Variants in SC5D observed in about 807,000 individuals in gnomAD.
SC5D encodes the protein sterol-C5-desaturase, also known as lathosterol oxidase.
Under a neutral mutation model 23.9 loss-of-function variants are expected in SC5D, and 21 were observed. The ratio of observed to expected loss-of-function variants is 0.88; its 90% CI spans 0.62 to 1.26. SC5D has a LOEUF of 1.26. SC5D is among the 50% of genes most tolerant of loss of function. The pLI, the probability that SC5D is intolerant of heterozygous loss-of-function variation, is 0.00. For missense variants in SC5D, 309 were observed against 364.8 expected, an observed-to-expected ratio of 0.85 and a Z score of 1.25; for synonymous variants, 113 against 125.9, an observed-to-expected ratio of 0.90 and a Z score of 0.68.
chr11:121,298,619 T>C (rs1488124744), intron 1 of SC5D, among the ~76,000 whole-genome samples: 2 of 152,178 alleles, frequency 1.3e-5, no homozygotes, highest in East Asian at 3.8e-4. Flanking sequence ...GAGAAGCTGA[T>C]GTTGAAGAAA....
At chr11:121,294,974 A>T (rs1011332198) in intron 1 of SC5D, among the ~76,000 whole-genome samples, 1 of 152,170 alleles carries the variant, frequency 6.6e-6, no homozygotes, top group East Asian at 1.9e-4. Flanking sequence ...GGCAGTCTTC[A>T]CCCCTATAAC....
Position 121,304,472 on chromosome 11 carries a change from G to A in SC5D, c.322G>A (p.Asp108Asn), listed in dbSNP as rs1360822726. ...AAGAGGTTACAGCAAATTACATGAT[G>A]ACCTAGGAGAGTTTCCATATGGTAA... is the stretch of plus-strand genomic sequence containing the variant. ...EIRGYSKLHD[D>N]LGEFPYGLFE... The change falls in exon 3 of 5, where the codon GAC (aspartate) becomes AAC (asparagine). Residue 108 changes from aspartate to asparagine, a missense_variant. Asp to Asn is a conservative substitution (Grantham distance 23, BLOSUM62 1). Transcript: ENST00000264027. 1.2e-6 allele frequency: 2 copies of A among 1,613,490 alleles called. No homozygotes were observed. The highest frequency in any genetic ancestry group is 1.3e-5 in the African/African-American group (1 of 74,992).
chr11:121,293,484 A>G (rs981445424), intron 1 of SC5D, among the ~76,000 whole-genome samples: 1 of 152,152 alleles, frequency 6.6e-6, no homozygotes, highest in Non-Finnish European at 1.5e-5. Flanking sequence ...GGCTGAGGAG[A>G]CTGAAAGGAA....
chr11:121,294,567 A>G (rs1947876128), intron 1 of SC5D, among the ~76,000 whole-genome samples: 1 of 152,134 alleles, frequency 6.6e-6, no homozygotes, highest in South Asian at 2.1e-4. Context: ...GTATATATTA[A>G]ATATTACTAT....
rs748818735 is a variant in SC5D at position 121,304,447 on chromosome 11, A to G, written c.297A>G (p.Ile99Met). Residue 99 changes from isoleucine to methionine, a missense_variant, in exon 3 of 5, where the codon ATA becomes ATG. By Grantham distance (10) the Ile-to-Met change is conservative. Transcript: ENST00000264027. Reference sequence around the variant, plus strand: ...CTGTTGCACTGTTCTTGCTGGAGATAAGAGGTTACAGCAAATTACATGATG... The same window carrying G: ...CTGTTGCACTGTTCTTGCTGGAGATGAGAGGTTACAGCAAATTACATGATG... ...ILTVALFLLE[I>M]RGYSKLHDDL... is the part of the protein sequence containing the mutation. 8 of 1,612,522 alleles carry G rather than the reference A, an allele frequency of 5.0e-6. No individual in the cohort carries two copies. The Admixed American group carries it at 6.7e-5, about 13-fold the overall frequency.
At position 121,311,142 on chromosome 11, in the gene SC5D, C is replaced by T. The variant is rs567661859; in HGVS notation, c.*3630C>T. Reference sequence around the variant, plus strand: ...TGAATCATCATTGTATTAAACCACTCATCCTTAACAAATGCCCAAGCCATG... The same window carrying T: ...TGAATCATCATTGTATTAAACCACTTATCCTTAACAAATGCCCAAGCCATG... On this transcript the variant is annotated 3_prime_UTR_variant, in exon 5 of 5. Transcript: ENST00000264027. Among the ~76,000 whole-genome samples, 1 of 152,330 alleles carries T rather than the reference C, an allele frequency of 6.6e-6. No individual in the cohort carries two copies. The highest frequency in any genetic ancestry group is 2.1e-4 in the South Asian group (1 of 4,824).
Position 121,309,738 on chromosome 11 carries a change from T to C in SC5D, c.*2226T>C, listed in dbSNP as rs562325361. ...CAAATTCTGGTCTTTTAAAGCAGCGTTATGTTAAGTAGTCCTAACATTGTA... is the reference window on the plus strand; with the variant it reads ...CAAATTCTGGTCTTTTAAAGCAGCGCTATGTTAAGTAGTCCTAACATTGTA... On this transcript the variant is annotated 3_prime_UTR_variant, in exon 5 of 5. Coordinates refer to ENST00000264027, the MANE Select transcript of SC5D (RefSeq NM_006918.5). 4.9e-4 allele frequency among the ~76,000 whole-genome samples: 75 copies of C among 152,354 alleles called. No individual in the cohort carries two copies. Among genetic ancestry groups the C allele is most frequent in the African/African-American group, 1.8e-3 (73 of 41,570 alleles).
rs2134271543 is a variant in SC5D, at chr11:121,307,873, T to C, written c.*361T>C. 1 of 182,128 alleles carries C rather than the reference T, an allele frequency of 5.5e-6. No individual in the cohort carries two copies. Among genetic ancestry groups the C allele is most frequent in the Middle Eastern group, 2.6e-3 (1 of 380 alleles). The allele number at this position is 182,128 out of a possible 1,614,324, so 11.3% of individuals were successfully genotyped here. ...ATTTGCCTTCATCCACCCATGTTTA[T>C]TAAGAATCATTGTGCTTAATAATAC... On this transcript the variant is annotated 3_prime_UTR_variant, in exon 5 of 5. Transcript: ENST00000264027.
intron 3 of SC5D, chr11:121,304,712 T>A (rs1947951408): frequency 5.9e-6 from 3 of 505,454 alleles, no homozygotes; most frequent in African/African-American, 5.8e-5. Flanking sequence ...AGATTGTGTC[T>A]GGCGGAAGAT....
rs373383957 is a variant in SC5D, at chr11:121,307,064, A to G, written c.452A>G (p.His151Arg). 1.8e-5 allele frequency: 29 copies of G among 1,614,008 alleles called. No individual in the cohort carries two copies. The highest frequency in any genetic ancestry group is 2.3e-5 in the Non-Finnish European group (27 of 1,179,960). ...LHHRLVYKRL[H>R]KPHHIWKIPT... Reference sequence around the variant, plus strand: ...TGTCCTTTTCTCCTGCAGCGCCTACATAAACCTCACCATATTTGGAAGATT... The same window carrying G: ...TGTCCTTTTCTCCTGCAGCGCCTACGTAAACCTCACCATATTTGGAAGATT... Residue 151 changes from histidine (H) to arginine (R), a missense_variant, in exon 5 of 5, where the codon CAT (histidine) becomes CGT (arginine). Transcript: ENST00000264027.
At chr11:121,299,854 A>G (rs1442810056) in intron 1 of SC5D, among the ~76,000 whole-genome samples, 2 of 152,330 alleles carry the variant, frequency 1.3e-5, no homozygotes, top group East Asian at 3.9e-4. Context: ...AGATTACACT[A>G]CTGCACTCCA....
chr11:121,299,137 G>C (rs145574597), intron 1 of SC5D, among the ~76,000 whole-genome samples: 1 of 152,202 alleles, frequency 6.6e-6, no homozygotes, highest in African/African-American at 2.4e-5. Flanking sequence ...CAGATGGGAA[G>C]ATCACTGAAG....
chr11:121,301,315 T>A (rs1031049130), intron 1 of SC5D, among the ~76,000 whole-genome samples: 1 of 152,112 alleles, frequency 6.6e-6, no homozygotes, highest in Non-Finnish European at 1.5e-5. Context: ...TTTTTTTTTT[T>A]TTTTTTAAAG....
rs980144975 is a variant in SC5D at position 121,307,740 on chromosome 11, C to G, written c.*228C>G. The stretch of plus-strand genomic sequence containing the variant: ...TATGCTTAAAATGCCAGATGTTGTT[C>G]GGGGGACAACTTGTATCTTTCTAGC... On this transcript the variant is annotated 3_prime_UTR_variant, in exon 5 of 5. Transcript: ENST00000264027. 1.3e-5 allele frequency: 6 copies of G among 445,888 alleles called. No homozygotes were observed. In the Admixed American group the frequency reaches 2.0e-4, roughly 15 times the overall value. The allele number at this position is 445,888 out of a possible 1,614,324, so 27.6% of individuals were successfully genotyped here. A position where few individuals can be genotyped will look rare whatever the true frequency, so the allele number is the denominator to read the frequency against.
chr11:121,305,802 G>A (rs1947959997), intron 3 of SC5D: 1 of 153,090 alleles, frequency 6.5e-6, no homozygotes, highest in African/African-American at 2.4e-5. Flanking sequence ...TTTGAAAAAT[G>A]GATATGATTA....
intron 1 of SC5D, among the ~76,000 whole-genome samples, chr11:121,299,074 G>A (rs180958231): frequency 2.0e-4 from 30 of 152,316 alleles, no homozygotes; most frequent in East Asian, 5.8e-4. Context: ...TGACAATAGC[G>A]GGAAGATAGT....
In SC5D at chr11:121,308,195, C is replaced by T. The variant is rs570564765; in HGVS notation, c.*683C>T. 6.6e-6 allele frequency: 1 copy of T among 152,062 alleles called. No individual in the cohort carries two copies. The highest frequency in any genetic ancestry group is 1.5e-5 in the Non-Finnish European group (1 of 68,000). 9.4% of individuals were successfully genotyped at this position (152,062 alleles called of 1,614,324 possible). ...TTGGAATTTAAAAATATCGATATCACCATGATTTAATCCAGATCTGGGATT... is the reference window on the plus strand; with the variant it reads ...TTGGAATTTAAAAATATCGATATCATCATGATTTAATCCAGATCTGGGATT... On this transcript the variant is annotated 3_prime_UTR_variant, in exon 5 of 5. Transcript: ENST00000264027.
rs138026842 is a variant in SC5D at position 121,303,391 on chromosome 11, C to T, written c.16C>T (p.Arg6Cys). 2.2e-4 allele frequency: 362 copies of T among 1,613,766 alleles called. 4 individuals carry two copies. Among genetic ancestry groups the T allele is most frequent in the East Asian group, 1.1e-4 (5 of 44,866 alleles). MDLVL[R>C]VADYYFFTPY... Reference sequence around the variant, plus strand: ...GGGCTAAGTGATGGATCTTGTACTCCGTGTTGCAGATTACTATTTTTTTAC... The same window carrying T: ...GGGCTAAGTGATGGATCTTGTACTCTGTGTTGCAGATTACTATTTTTTTAC... The change falls in exon 2 of 5, where the codon CGT (arginine) becomes TGT (cysteine). Residue 6 changes from arginine to cysteine, a missense_variant. Transcript: ENST00000264027.
rs1290924343 is a variant in SC5D at position 121,310,460 on chromosome 11, T to A, written c.*2948T>A. The stretch of plus-strand genomic sequence containing the variant: ...AGCCCTTCTGTCTCCTGTCCCTTTT[T>A]TTTTTTTTTTTTTTGAGATGGAGTC... On this transcript the variant is annotated 3_prime_UTR_variant, in exon 5 of 5. Coordinates refer to ENST00000264027, the MANE Select transcript of SC5D (RefSeq NM_006918.5). Among the ~76,000 whole-genome samples the A allele has an allele frequency of 2.7e-5, 4 of 148,582 alleles. No individual in the cohort carries two copies. The highest frequency in any genetic ancestry group is 1.0e-4 in the African/African-American group (4 of 40,120).
Sources: allele counts gnomAD v4.1 joint callset (sites outside exome capture counted in the v4.1 genomes callset), GRCh38; gene constraint gnomAD v4.1.1; transcripts MANE v1.5; gene names NCBI Gene and HGNC (gene_info 2026-07-23, HGNC 2026-07-21).